The following DZANK1 variants were observed in gnomAD, a reference collection of about 807,000 sequenced individuals.
DZANK1 encodes the protein double zinc ribbon and ankyrin repeat-containing protein 1.
Under a neutral mutation model 94.5 loss-of-function variants are expected in DZANK1, and 91 were observed. The observed-to-expected ratio is 0.96, with a 90% confidence interval of 0.81 to 1.15. The LOEUF (loss-of-function observed/expected upper bound fraction) is 1.15. DZANK1 is among the 50% of genes most tolerant of loss of function. The pLI is 0.00. For missense variants in DZANK1, 903 were observed against 916.4 expected (o/e 0.99, Z 0.19); for synonymous variants, 312 against 325.3 (o/e 0.96, Z 0.44).
At chr20:18,403,067 T>C (rs1401880734) in intron 13 of DZANK1, among the ~76,000 whole-genome samples, 1 of 152,134 alleles carries the variant, frequency 6.6e-6, no homozygotes, top group Non-Finnish European at 1.5e-5. Context: ...CAAAGGGGTG[T>C]AGTATCTTCC....
At chr20:18,446,394 C>A (rs2058881996) in intron 7 of DZANK1, among the ~76,000 whole-genome samples, 1 of 152,136 alleles carries the variant, frequency 6.6e-6, no homozygotes, top group Non-Finnish European at 1.5e-5. Flanking sequence ...TCTAACTAAC[C>A]CATTGCCCTC....
At chr20:18,383,657 T>C (rs1394454936) in exon 21 of DZANK1, 1 of 152,246 alleles carries the variant, frequency 6.6e-6, no homozygotes, top group Non-Finnish European at 1.5e-5. Flanking sequence ...ACCACATGTA[T>C]GTGCATATCT....
At chr20:18,463,493 A>G (rs1383053873) in intron 2 of DZANK1, among the ~76,000 whole-genome samples, 1 of 121,702 alleles carries the variant, frequency 8.2e-6, no homozygotes, top group Non-Finnish European at 1.7e-5. Context: ...CTAAAATAAA[A>G]GTTGTAAAAG....
intron 10 of DZANK1, among the ~76,000 whole-genome samples, chr20:18,416,462 A>T (rs756869313): frequency 6.6e-6 from 1 of 152,234 alleles, no homozygotes; most frequent in Non-Finnish European, 1.5e-5. Flanking sequence ...ACCTTGGCAC[A>T]TGGGAGTCAT....
chr20:18,433,556 ATT>A, intron 9 of DZANK1, 94 bp downstream of exon 9: 1 of 1,151,624 alleles, frequency 8.7e-7, no homozygotes, highest in Non-Finnish European at 1.2e-6. Context: ...AAAAAAAAAA[ATT>A]GTTACCCCAT....
chr20:18,466,542 A>G (rs2059661681), intron 1 of DZANK1, among the ~76,000 whole-genome samples: 1 of 152,224 alleles, frequency 6.6e-6, no homozygotes, highest in African/African-American at 2.4e-5. Context: ...GCTGGACTTG[A>G]GACTTGCCCA....
At position 18,384,581 on chromosome 20, in the gene DZANK1, G is replaced by C. The variant is rs759902087; in HGVS notation, c.2094-17C>G. 1.9e-6 allele frequency: 3 copies of C among 1,582,322 alleles called. No individual in the cohort carries two copies. The South Asian group carries it at 3.5e-5, about 19-fold the overall frequency. ...GCATTGCATCTGCAAAGGAAATGGA[G>C]AAACGGAGGTGCACTGAAGGACTTG... On this transcript the variant is annotated splice_polypyrimidine_tract_variant and intron_variant, in intron 20 of 20. Transcript: ENST00000262547.
chr20:18,430,346 T>G (rs1300146979), intron 9 of DZANK1, among the ~76,000 whole-genome samples: 1 of 152,214 alleles, frequency 6.6e-6, no homozygotes, highest in Non-Finnish European at 1.5e-5. Context: ...CAGGAGTATT[T>G]CAGACCTAAG....
chr20:18,462,937 TA>T (rs61694583), intron 2 of DZANK1, among the ~76,000 whole-genome samples: 1,261 of 111,174 alleles, frequency 0.011, 9 homozygotes, highest in South Asian at 0.047. Flanking sequence ...GACTCGGTCT[TA>T]AAAAAAAAAA....
chr20:18,386,395 G>A (rs1392625672), intron 19 of DZANK1, among the ~76,000 whole-genome samples: 1 of 152,130 alleles, frequency 6.6e-6, no homozygotes, highest in East Asian at 1.9e-4. Context: ...AAAACCTGTA[G>A]AATCAAAGAG....
chr20:18,416,726 C>T (rs777931382), intron 10 of DZANK1, among the ~76,000 whole-genome samples: 6 of 152,146 alleles, frequency 3.9e-5, no homozygotes, highest in Non-Finnish European at 8.8e-5. Context: ...CATTCATAGA[C>T]ACCCGAGAAC....
chr20:18,411,961 C>A (rs2057277578), intron 13 of DZANK1, among the ~76,000 whole-genome samples: 1 of 152,134 alleles, frequency 6.6e-6, no homozygotes, highest in African/African-American at 2.4e-5. Flanking sequence ...CAAAAAGGGG[C>A]CTTAACTCAT....
intron 6 of DZANK1, among the ~76,000 whole-genome samples, chr20:18,450,324 G>A (rs1057509926): frequency 1.3e-5 from 2 of 152,122 alleles, no homozygotes; most frequent in African/African-American, 4.8e-5. Context: ...GCTGAGGCAG[G>A]AGGATTGCTT....
At chr20:18,394,395 T>C in intron 15 of DZANK1, 45 bp from the exon 16 acceptor site, 1 of 1,567,918 alleles carries the variant, frequency 6.4e-7, no homozygotes, top group Non-Finnish European at 8.7e-7. Context: ...TGAGGCTGCT[T>C]TGTCCCACTA....
exon 17 of DZANK1, chr20:18,393,781 G>A: frequency 6.2e-7 from 1 of 1,612,672 alleles, no homozygotes; most frequent in Non-Finnish European, 8.5e-7. Context: ...TTTTTCAATA[G>A]TATCTGAGGT....
chr20:18,437,581 T>G (rs1462425098), intron 8 of DZANK1, among the ~76,000 whole-genome samples: 6 of 150,394 alleles, frequency 4.0e-5, no homozygotes, highest in Non-Finnish European at 8.9e-5. Flanking sequence ...AGACTCTGTC[T>G]CAAAGAAAAG....
At chr20:18,393,256 G>A in intron 17 of DZANK1, among the ~76,000 whole-genome samples, 1 of 152,210 alleles carries the variant, frequency 6.6e-6, no homozygotes, top group Middle Eastern at 3.4e-3. Flanking sequence ...AGCAACACAG[G>A]GGATCTGAAG....
At chr20:18,449,743 G>A (rs1440766865) in intron 6 of DZANK1, among the ~76,000 whole-genome samples, 2 of 134,364 alleles carry the variant, frequency 1.5e-5, no homozygotes, top group Non-Finnish European at 3.2e-5. Flanking sequence ...GGGTGAGAGT[G>A]AGACTCTGTC....
At chr20:18,400,943 T>A (rs2056642650) in intron 13 of DZANK1, among the ~76,000 whole-genome samples, 1 of 152,110 alleles carries the variant, frequency 6.6e-6, no homozygotes, top group South Asian at 2.1e-4. Context: ...GATCTATACT[T>A]CTTTTTTTTT....
Sources: allele counts gnomAD v4.1 joint callset (sites outside exome capture counted in the v4.1 genomes callset), GRCh38; gene constraint gnomAD v4.1.1; transcripts MANE v1.5; gene names NCBI Gene and HGNC (gene_info 2026-07-23, HGNC 2026-07-21).